The following ARHGAP8 variants were observed in gnomAD, a reference collection of about 807,000 sequenced individuals.
ARHGAP8 encodes the protein rho GTPase-activating protein 8.
A neutral mutation model predicts 46.1 loss-of-function variants in ARHGAP8; 62 were observed. The observed-to-expected ratio is 1.34, with a 90% confidence interval of 1.10 to 1.66. The LOEUF (loss-of-function observed/expected upper bound fraction) is 1.66, where lower values mean the gene tolerates loss of function less well. Among genes scored for constraint, ARHGAP8 ranks in the 40% most tolerant of loss-of-function variants. The pLI, the probability that ARHGAP8 is intolerant of heterozygous loss-of-function variation, is 0.00. For synonymous variants in ARHGAP8, 375 were observed against 243.1 expected (o/e 1.54, Z -5.05); for missense variants, 923 against 568.4 (o/e 1.62, Z -6.34).
At chr22:44,766,047 C>T (rs897013260) in intron 1 of ARHGAP8, 1 of 152,242 alleles carries the variant, frequency 6.6e-6, no homozygotes, top group African/African-American at 2.4e-5. Context: ...TGGGCCTCCC[C>T]TGCTTGGCAC....
At chr22:44,845,575 A>G (rs982407773) in intron 8 of ARHGAP8, among the ~76,000 whole-genome samples, 2 of 152,136 alleles carry the variant, frequency 1.3e-5, no homozygotes, top group African/African-American at 4.8e-5. Context: ...CTGGGCCTCC[A>G]TTCCCTTGTC....
At chr22:44,858,416 G>C (rs1244629324) in intron 10 of ARHGAP8, among the ~76,000 whole-genome samples, 6 of 150,594 alleles carry the variant, frequency 4.0e-5, no homozygotes, top group Admixed American at 3.3e-4. Flanking sequence ...TGCCCAGGCT[G>C]GAGTGCAATG....
intron 1 of ARHGAP8, among the ~76,000 whole-genome samples, chr22:44,782,590 C>T (rs6006880): frequency 0.86 from 130,873 of 152,060 alleles, 56,475 homozygotes; most frequent in Non-Finnish European, 0.89. Flanking sequence ...TGGGATCATA[C>T]CGTGTGTGCT....
At chr22:44,830,549 T>C (rs180804215) in intron 7 of ARHGAP8, among the ~76,000 whole-genome samples, 16 of 152,014 alleles carry the variant, frequency 1.1e-4, no homozygotes, top group African/African-American at 3.4e-4. Flanking sequence ...TTTAGTTTTG[T>C]TTTCTGAGAC....
At position 44,862,727 on chromosome 22, in the gene ARHGAP8, G is replaced by A. The variant is rs1467303778; in HGVS notation, c.*132G>A. 1.2e-5 allele frequency: 14 copies of A among 1,135,134 alleles called. No individual in the cohort carries two copies. The South Asian group carries it at 2.0e-4, about 16-fold the overall frequency. 70.3% of individuals were successfully genotyped at this position (1,135,134 alleles called of 1,614,324 possible). A position where few individuals can be genotyped will look rare whatever the true frequency, so the allele number is the denominator to read the frequency against. On this transcript the variant is annotated 3_prime_UTR_variant, in exon 12 of 12. Transcript: ENST00000356099. ...CAGAACCTTCTAATGAAAACTCCAT[G>A]CCTCTGGTCCTTGGACTCTTGTCCA... is the stretch of plus-strand genomic sequence containing the variant.
chr22:44,790,734 T>TTC (rs1927616615), intron 2 of ARHGAP8, among the ~76,000 whole-genome samples: 6 of 87,496 alleles, frequency 6.9e-5, no homozygotes, highest in African/African-American at 3.0e-4. Flanking sequence ...ACCTGGCCGT[T>TTC]TTTTTTTTTT....
At chr22:44,845,240 A>C in intron 7 of ARHGAP8, 29 bp from the exon 8 acceptor site, 4 of 1,613,800 alleles carry the variant, frequency 2.5e-6, no homozygotes, top group Non-Finnish European at 3.4e-6. Flanking sequence ...CTCAGGTAAA[A>C]ACTGCGACTT....
chr22:44,757,699 C>G (rs181411275), intron 1 of ARHGAP8, among the ~76,000 whole-genome samples: 1 of 151,048 alleles, frequency 6.6e-6, no homozygotes, highest in African/African-American at 2.4e-5. Context: ...AGTGTAGTGG[C>G]GTGATCTCAG....
At chr22:44,783,303 A>AC (rs1160137310) in intron 1 of ARHGAP8, among the ~76,000 whole-genome samples, 1 of 142,104 alleles carries the variant, frequency 7.0e-6, no homozygotes, top group African/African-American at 2.7e-5. Context: ...CCCCCTCCCC[A>AC]CCCCCGCAGC....
chr22:44,838,345 T>G (rs1312817767), intron 7 of ARHGAP8, among the ~76,000 whole-genome samples: 1 of 151,966 alleles, frequency 6.6e-6, no homozygotes, highest in African/African-American at 2.4e-5. Flanking sequence ...ACCATGTTGG[T>G]CAGGCTGGTC....
chr22:44,851,438 G>A (rs1369000565), intron 10 of ARHGAP8, among the ~76,000 whole-genome samples: 1 of 152,022 alleles, frequency 6.6e-6, no homozygotes, highest in Non-Finnish European at 1.5e-5. Context: ...TTGAGACAGT[G>A]TCTCGCTCTG....
At chr22:44,766,602 GAT>G (rs1373877520) in intron 1 of ARHGAP8, among the ~76,000 whole-genome samples, 2 of 152,156 alleles carry the variant, frequency 1.3e-5, no homozygotes, top group African/African-American at 2.4e-5. Flanking sequence ...CTGTGTGTAA[GAT>G]ATGTGGAAAG....
At chr22:44,816,340 C>A (rs1048548226) in intron 5 of ARHGAP8, among the ~76,000 whole-genome samples, 1 of 152,124 alleles carries the variant, frequency 6.6e-6, no homozygotes, top group Non-Finnish European at 1.5e-5. Context: ...GGAAGCATCT[C>A]GGCCCCCCAG....
At chr22:44,782,666 C>T (rs1926929162) in intron 1 of ARHGAP8, among the ~76,000 whole-genome samples, 1 of 152,180 alleles carries the variant, frequency 6.6e-6, no homozygotes, top group Admixed American at 6.5e-5. Flanking sequence ...GGTCATAGGC[C>T]AGAACTTCAT....
chr22:44,825,512 A>G lies in ARHGAP8; in HGVS notation c.515A>G (p.Glu172Gly). Reference protein sequence around the residue: ...RYDEKLQSLHEGRTPPPTKTP... With the variant: ...RYDEKLQSLHGGRTPPPTKTP... ...GATGAGAAGCTCCAGAGCCTGCACG[A>G]GGGCCGGACGCCGCCTCCCACCAAG... The change falls in exon 7 of 12, where the codon GAG becomes GGG. Residue 172 changes from glutamate (E) to glycine (G), a missense_variant. Transcript: ENST00000356099. 6.2e-7 allele frequency: 1 copy of G among 1,612,856 alleles called. No homozygotes were observed. The highest frequency in any genetic ancestry group is 8.5e-7 in the Non-Finnish European group (1 of 1,179,680).
chr22:44,809,497 T>C, intron 4 of ARHGAP8: 1 of 307,914 alleles, frequency 3.2e-6, no homozygotes, highest in Non-Finnish European at 6.4e-6. Flanking sequence ...TGATGCCTCT[T>C]GTTGGTGAGA....
intron 2 of ARHGAP8, among the ~76,000 whole-genome samples, chr22:44,793,466 C>A (rs5765018): frequency 0.19 from 28,531 of 152,112 alleles, 2,916 homozygotes; most frequent in East Asian, 0.44. Flanking sequence ...GGCTTTCCTG[C>A]AGCACGCAGG....
intron 3 of ARHGAP8, among the ~76,000 whole-genome samples, chr22:44,804,055 G>C (rs1288110069): frequency 6.6e-6 from 1 of 151,372 alleles, no homozygotes; most frequent in Non-Finnish European, 1.5e-5. Flanking sequence ...CGGGCCTCAC[G>C]CCCTCTTAGG....
intron 10 of ARHGAP8, among the ~76,000 whole-genome samples, chr22:44,857,687 G>A (rs1022520285): frequency 1.3e-5 from 2 of 152,156 alleles, no homozygotes; most frequent in African/African-American, 4.8e-5. Context: ...GCCTCTCATA[G>A]GATGATCTCA....
Sources: gnomAD v4.1 joint callset for allele counts (sites outside exome capture counted in the v4.1 genomes callset) on GRCh38, gnomAD v4.1.1 for gene constraint, MANE v1.5 for transcripts, NCBI Gene and HGNC (gene_info 2026-07-23, HGNC 2026-07-21) for gene names.